The following BRDT variants were observed in gnomAD, a reference collection of about 807,000 sequenced individuals.
The protein encoded by BRDT is bromodomain testis-specific protein.
In BRDT, 77 loss-of-function variants were observed where a neutral mutation model predicts 113.9. That is an observed-to-expected ratio of 0.68 (90% CI 0.56 to 0.82). The LOEUF (loss-of-function observed/expected upper bound fraction) is 0.82, where lower values mean the gene tolerates loss of function less well. BRDT is among the 40% of genes least tolerant of loss of function. BRDT has a pLI of 0.00. For missense variants in BRDT, 1,027 were observed against 1,105.4 expected, an observed-to-expected ratio of 0.93 and a Z score of 1.01; for synonymous variants, 358 against 366.5, an observed-to-expected ratio of 0.98 and a Z score of 0.26.
chr1:91,996,365 C>T (rs1417464304), intron 15 of BRDT, among the ~76,000 whole-genome samples: 2 of 152,198 alleles, frequency 1.3e-5, no homozygotes, highest in African/African-American at 4.8e-5. Flanking sequence ...TCTCATGCCT[C>T]AGCCACCCAA....
At chr1:91,970,240 A>G (rs1176254236) in intron 4 of BRDT, among the ~76,000 whole-genome samples, 3 of 152,186 alleles carry the variant, frequency 2.0e-5, no homozygotes, top group Admixed American at 6.5e-5. Context: ...TACATGTAAC[A>G]TATGCTGTGT....
At chr1:91,975,934 A>G (rs1684099474) in intron 4 of BRDT, among the ~76,000 whole-genome samples, 1 of 152,218 alleles carries the variant, frequency 6.6e-6, no homozygotes, top group Non-Finnish European at 1.5e-5. Flanking sequence ...ATAGTATTGT[A>G]TGGTTGGTCT....
intron 16 of BRDT, among the ~76,000 whole-genome samples, chr1:92,003,586 C>T (rs1331529755): frequency 1.3e-5 from 2 of 152,018 alleles, no homozygotes; most frequent in African/African-American, 2.4e-5. Flanking sequence ...AATTCAGTTT[C>T]GGAAGACTTA....
chr1:91,968,441 A>G (rs903168722), intron 4 of BRDT, among the ~76,000 whole-genome samples, 181 bp downstream of exon 4: 1 of 152,238 alleles, frequency 6.6e-6, no homozygotes, highest in African/African-American at 2.4e-5. Context: ...GGTATCATTC[A>G]AGAATAGTGA....
intron 18 of BRDT, among the ~76,000 whole-genome samples, chr1:92,006,938 C>T (rs1348866825): frequency 6.6e-6 from 1 of 152,054 alleles, no homozygotes; most frequent in African/African-American, 2.4e-5. Context: ...CAGGCCCGTG[C>T]CACCACACCC....
At chr1:91,988,890 A>G (rs752946350) in intron 12 of BRDT, among the ~76,000 whole-genome samples, 1 of 152,236 alleles carries the variant, frequency 6.6e-6, no homozygotes, top group African/African-American at 2.4e-5. Context: ...GTAAGATTAG[A>G]ATGAGAAGCA....
intron 15 of BRDT, among the ~76,000 whole-genome samples, chr1:91,997,974 G>C (rs768538153): frequency 6.6e-6 from 1 of 152,134 alleles, no homozygotes; most frequent in East Asian, 1.9e-4. Flanking sequence ...AAAATAGTTT[G>C]ACAAAATGTT....
At chr1:91,992,368 A>G (rs1685869110) in intron 14 of BRDT, 54 bp downstream of exon 14, 1 of 933,586 alleles carries the variant, frequency 1.1e-6, no homozygotes, top group Non-Finnish European at 1.5e-6. Context: ...TTACATATAG[A>G]TTAGGGGCTT....
chr1:91,961,169 G>T (rs1557804647), intron 1 of BRDT, among the ~76,000 whole-genome samples: 1 of 151,994 alleles, frequency 6.6e-6, no homozygotes, highest in Non-Finnish European at 1.5e-5. Context: ...AAATTAGCTG[G>T]GCGTGGTGGC....
chr1:91,968,261 G>A lies in BRDT; in HGVS notation c.445+1G>A. ...GGTGTTAAGGAAAGAATCAAGAAAGGTAAGGCAGGAGGTAAACACTTTATG... is the reference window on the plus strand; with the variant it reads ...GGTGTTAAGGAAAGAATCAAGAAAGATAAGGCAGGAGGTAAACACTTTATG... On this transcript the variant is annotated splice_donor_variant, in intron 4 of 18. Coordinates refer to ENST00000399546, the MANE Select transcript of BRDT (RefSeq NM_207189.4). LOFTEE classifies it high-confidence loss of function. 6.2e-7 allele frequency: 1 copy of A among 1,613,920 alleles called. No individual in the cohort carries two copies. Among genetic ancestry groups the A allele is most frequent in the Non-Finnish European group, 8.5e-7 (1 of 1,179,898 alleles).
chr1:91,974,860 T>C (rs1683976046), intron 4 of BRDT, among the ~76,000 whole-genome samples: 1 of 152,132 alleles, frequency 6.6e-6, no homozygotes, highest in Non-Finnish European at 1.5e-5. Flanking sequence ...CTATTCACAA[T>C]AGCAAAGACT....
At chr1:91,964,048 G>GTT (rs1483772228) in intron 2 of BRDT, among the ~76,000 whole-genome samples, 2 of 150,138 alleles carry the variant, frequency 1.3e-5, no homozygotes, top group African/African-American at 4.9e-5. Flanking sequence ...ATTTTCTGTT[G>GTT]TTTTTTTTTG....
At position 91,962,851 on chromosome 1, in the gene BRDT, C is replaced by G. The variant is rs376824899; in HGVS notation, c.97C>G (p.Gln33Glu). Residue 33 changes from glutamine (Q) to glutamate (E), a missense_variant, in exon 2 of 19, where the codon CAG becomes GAG. Transcript: ENST00000399546. ...KKNGRLTNQL[Q>E]YLQKVVLKDL... ...AAATGGGCGATTGACAAATCAACTT[C>G]AGTATCTACAAAAAGTTGTCCTAAA... 1 of 1,612,804 alleles carries G rather than the reference C, an allele frequency of 6.2e-7. No homozygotes were observed.
chr1:91,968,084 T>C, intron 3 of BRDT, 62 bp from the exon 4 acceptor site: 2 of 1,550,808 alleles, frequency 1.3e-6, no homozygotes, highest in Non-Finnish European at 1.8e-6. Context: ...GGGCTGAATT[T>C]AAAACATTTG....
At chr1:91,969,702 TC>T (rs1480943164) in intron 4 of BRDT, among the ~76,000 whole-genome samples, 1 of 152,122 alleles carries the variant, frequency 6.6e-6, no homozygotes, top group African/African-American at 2.4e-5. Context: ...AAATTATTGA[TC>T]TTTTTATTGA....
At chr1:92,004,803 A>T (rs903026939) in intron 17 of BRDT, among the ~76,000 whole-genome samples, 184 bp downstream of exon 17, 2 of 152,338 alleles carry the variant, frequency 1.3e-5, no homozygotes, top group South Asian at 4.1e-4. Flanking sequence ...AAGACAAATA[A>T]TCAAGGGATT....
chr1:91,976,134 T>TCTCGGTGGTCGCCGTATCA, intron 4 of BRDT, 132 bp from the exon 5 acceptor site: 1 of 893,336 alleles, frequency 1.1e-6, no homozygotes, highest in Non-Finnish European at 1.6e-6. Flanking sequence ...TGTGTGTAGA[T>TCTCGGTGGTCGCCGTATCA]TTCAAAATGA....
intron 6 of BRDT, 71 bp downstream of exon 6, chr1:91,977,464 C>A: frequency 2.4e-6 from 3 of 1,249,990 alleles, no homozygotes; most frequent in Non-Finnish European, 3.3e-6. Flanking sequence ...GCAAAGAAAT[C>A]TTAAAATCTA....
chr1:91,979,422 T>C lies in BRDT; in HGVS notation c.1099-147T>C, dbSNP rs958030056. 4 of 788,072 alleles carry C rather than the reference T, an allele frequency of 5.1e-6. No individual in the cohort carries two copies. The Admixed American group carries it at 1.2e-4, about 23-fold the overall frequency. 48.8% of individuals were successfully genotyped at this position (788,072 alleles called of 1,614,324 possible). ...ATCCATGGCGCCTGGCCAGCATGAGTCTTAATACGTTTCTTCTGATATATC... is the reference window on the plus strand; with the variant it reads ...ATCCATGGCGCCTGGCCAGCATGAGCCTTAATACGTTTCTTCTGATATATC... On this transcript the variant is annotated intron_variant, in intron 7 of 18. Transcript: ENST00000399546.
Sources: gnomAD v4.1 joint callset for allele counts (sites outside exome capture counted in the v4.1 genomes callset) on GRCh38, gnomAD v4.1.1 for gene constraint, MANE v1.5 for transcripts, NCBI Gene and HGNC (gene_info 2026-07-23, HGNC 2026-07-21) for gene names.